Variants in AKAP19 observed in about 807,000 individuals in gnomAD.
AKAP19 encodes the protein small A-kinase anchoring protein.
the AKAP19 span, among the ~76,000 whole-genome samples, chr2:190,153,184 C>T: frequency 6.6e-6 from 1 of 152,144 alleles, no homozygotes; most frequent in Non-Finnish European, 1.5e-5. Flanking sequence ...CATGAGCCAC[C>T]GTGCCCGGCC....
At chr2:190,030,487 G>A in the AKAP19 span, among the ~76,000 whole-genome samples, 1 of 152,106 alleles carries the variant, frequency 6.6e-6, no homozygotes, top group African/African-American at 2.4e-5. Context: ...GTTGCCCTTG[G>A]TGTGCCCGTG....
chr2:189,989,560 C>T, the AKAP19 span, among the ~76,000 whole-genome samples: 2 of 151,124 alleles, frequency 1.3e-5, no homozygotes, highest in African/African-American at 4.8e-5. Flanking sequence ...TCTGTCAGAA[C>T]ATACAAAAAA....
the AKAP19 span, among the ~76,000 whole-genome samples, chr2:189,986,966 A>T: frequency 6.6e-6 from 1 of 152,162 alleles, no homozygotes; most frequent in Non-Finnish European, 1.5e-5. Flanking sequence ...AGAAGTCAGG[A>T]AAAAGGCAGG....
chr2:190,022,949 G>A, the AKAP19 span, among the ~76,000 whole-genome samples: 1 of 152,232 alleles, frequency 6.6e-6, no homozygotes, highest in Admixed American at 6.5e-5. Context: ...AGACCTTTAA[G>A]AAGGAAGAGG....
At chr2:190,191,704 C>T in the AKAP19 span, among the ~76,000 whole-genome samples, 1 of 152,174 alleles carries the variant, frequency 6.6e-6, no homozygotes, top group Admixed American at 6.5e-5. Flanking sequence ...ATTTGCATTT[C>T]CCTAATGGCT....
chr2:190,133,263 A>AAAAAAGG, the AKAP19 span, among the ~76,000 whole-genome samples: 1 of 131,488 alleles, frequency 7.6e-6, no homozygotes, highest in Non-Finnish European at 1.7e-5. Context: ...AAAAAAAAAA[A>AAAAAAGG]GTGCAAAAGA....
the AKAP19 span, among the ~76,000 whole-genome samples, chr2:190,099,367 G>A: frequency 2.6e-5 from 4 of 152,132 alleles, no homozygotes; most frequent in African/African-American, 9.7e-5. Context: ...AGGGATCAGG[G>A]AGGCCTGAAG....
chr2:190,037,756 G>T, the AKAP19 span, among the ~76,000 whole-genome samples: 18 of 152,078 alleles, frequency 1.2e-4, 1 homozygote, highest in Admixed American at 1.2e-3. Flanking sequence ...TGTCTACCGG[G>T]GTTCAATTAT....
the AKAP19 span, among the ~76,000 whole-genome samples, chr2:190,041,796 CTGTT>C: frequency 1.3e-5 from 2 of 152,102 alleles, no homozygotes; most frequent in South Asian, 4.1e-4. Context: ...GTCTTTAGTT[CTGTT>C]TATGTGATGA....
chr2:189,884,022 T>G, the AKAP19 span, among the ~76,000 whole-genome samples: 1 of 152,186 alleles, frequency 6.6e-6, no homozygotes, highest in Non-Finnish European at 1.5e-5. Context: ...AGATGCTTAA[T>G]AAGACAAAGT....
chr2:189,936,224 G>A, the AKAP19 span, among the ~76,000 whole-genome samples: 1 of 151,346 alleles, frequency 6.6e-6, no homozygotes, highest in Admixed American at 6.6e-5. Context: ...TTTTTTGAAT[G>A]TCATAGACTT....
the AKAP19 span, among the ~76,000 whole-genome samples, chr2:190,088,396 T>C: frequency 6.6e-6 from 1 of 152,188 alleles, no homozygotes; most frequent in South Asian, 2.1e-4. Context: ...CAGTATAAGG[T>C]CCTTTACCAT....
the AKAP19 span, among the ~76,000 whole-genome samples, chr2:190,123,827 G>A: frequency 6.6e-6 from 1 of 152,228 alleles, no homozygotes; most frequent in Non-Finnish European, 1.5e-5. Flanking sequence ...CTGAGCGCAT[G>A]TAGGTGGAGA....
chr2:189,930,214 T>A, the AKAP19 span: 1 of 204,286 alleles, frequency 4.9e-6, no homozygotes, highest in South Asian at 1.3e-4. Context: ...TGACAACAGA[T>A]CAAAACCCCC....
At chr2:190,187,186 GACC>G in the AKAP19 span, among the ~76,000 whole-genome samples, 2 of 152,104 alleles carry the variant, frequency 1.3e-5, no homozygotes, top group Non-Finnish European at 2.9e-5. Context: ...CTTTTTCAAA[GACC>G]ACAACATGGT....
At chr2:190,021,576 C>T in the AKAP19 span, among the ~76,000 whole-genome samples, 1 of 152,194 alleles carries the variant, frequency 6.6e-6, no homozygotes, top group Non-Finnish European at 1.5e-5. Flanking sequence ...GCTGTAAGTG[C>T]CTTCAGAATC....
the AKAP19 span, among the ~76,000 whole-genome samples, chr2:190,196,117 T>C: frequency 6.6e-6 from 1 of 152,096 alleles, no homozygotes; most frequent in East Asian, 1.9e-4. Flanking sequence ...CTTTTTCATA[T>C]GTTGGTTTTC....
chr2:190,093,887 G>A, the AKAP19 span, among the ~76,000 whole-genome samples: 1 of 152,222 alleles, frequency 6.6e-6, no homozygotes, highest in Non-Finnish European at 1.5e-5. Flanking sequence ...GCAGCAGTCA[G>A]AGACGAAAGC....
chr2:190,048,160 C>T, the AKAP19 span, among the ~76,000 whole-genome samples: 1 of 152,192 alleles, frequency 6.6e-6, no homozygotes, highest in East Asian at 1.9e-4. Flanking sequence ...GCATCCTGTG[C>T]TATTACTAAA....
Sources: allele counts gnomAD v4.1 joint callset (sites outside exome capture counted in the v4.1 genomes callset), GRCh38; gene constraint gnomAD v4.1.1; transcripts MANE v1.5; gene names NCBI Gene and HGNC (gene_info 2026-07-23, HGNC 2026-07-21).